ROCK1: variants seen among roughly 807,000 people sequenced by gnomAD.
ROCK1 encodes Rho associated coiled-coil containing protein kinase 1.
A neutral mutation model predicts 196.8 loss-of-function variants in ROCK1; 36 were observed. The ratio of observed to expected loss-of-function variants is 0.18; its 90% confidence interval spans 0.14 to 0.24. The LOEUF (loss-of-function observed/expected upper bound fraction) is 0.24. Among genes scored for constraint, ROCK1 ranks in the 10% least tolerant of loss-of-function variants. The probability of loss-of-function intolerance (pLI) is 1.00; values close to 1 mark genes in which losing one functional copy is unlikely to be tolerated. For missense variants in ROCK1, 920 were observed against 1,562.0 expected (o/e 0.59, Z 6.93); for synonymous variants, 443 against 515.9 (o/e 0.86, Z 1.91).
intron 22 of ROCK1, among the ~76,000 whole-genome samples, chr18:20,972,429 G>C (rs1340522490): frequency 2.6e-5 from 4 of 152,076 alleles, no homozygotes; most frequent in East Asian, 3.9e-4. Flanking sequence ...ACGTAAGTCT[G>C]GAATTCAAGG....
intron 21 of ROCK1, among the ~76,000 whole-genome samples, chr18:20,982,492 T>G (rs1477700105): frequency 6.6e-6 from 1 of 152,180 alleles, no homozygotes; most frequent in African/African-American, 2.4e-5. Context: ...CCTCAAGTGA[T>G]CCACTCGCCT....
At chr18:20,956,469 G>C (rs1389203553) in intron 29 of ROCK1, among the ~76,000 whole-genome samples, 1 of 152,210 alleles carries the variant, frequency 6.6e-6, no homozygotes, top group Admixed American at 6.5e-5. Flanking sequence ...CATGGATACA[G>C]AGGGCTGACT....
intron 1 of ROCK1, among the ~76,000 whole-genome samples, chr18:21,072,828 T>C (rs1461856373): frequency 1.3e-5 from 2 of 152,016 alleles, no homozygotes; most frequent in Non-Finnish European, 2.9e-5. Flanking sequence ...CTCAGCACTT[T>C]GGGAGGCCGA....
At chr18:21,103,488 T>G (rs1038992869) in intron 1 of ROCK1, among the ~76,000 whole-genome samples, 9 of 152,002 alleles carry the variant, frequency 5.9e-5, no homozygotes, top group Non-Finnish European at 1.2e-4. Context: ...AGACAGAGTC[T>G]CACTTTGACA....
intron 8 of ROCK1, among the ~76,000 whole-genome samples, chr18:21,041,503 C>A (rs1031050515): frequency 6.6e-6 from 1 of 151,804 alleles, no homozygotes; most frequent in African/African-American, 2.4e-5. Context: ...ATATAATATG[C>A]CATTTTTCTT....
At chr18:21,098,258 G>T (rs1336040393) in intron 1 of ROCK1, among the ~76,000 whole-genome samples, 1 of 152,104 alleles carries the variant, frequency 6.6e-6, no homozygotes, top group East Asian at 1.9e-4. Flanking sequence ...TGGAACAGAA[G>T]GTTAGAAATA....
intron 2 of ROCK1, among the ~76,000 whole-genome samples, chr18:21,059,214 C>T (rs2036269006): frequency 6.6e-6 from 1 of 152,188 alleles, no homozygotes. Context: ...CTTCATCTCT[C>T]TGTGCCTTTC....
At chr18:20,976,964 A>C (rs2035486327) in intron 22 of ROCK1, among the ~76,000 whole-genome samples, 1 of 152,164 alleles carries the variant, frequency 6.6e-6, no homozygotes, top group Admixed American at 6.6e-5. Context: ...CTATGCCTCC[A>C]AATCTACAAA....
chr18:21,106,186 A>G (rs563941843), intron 1 of ROCK1, among the ~76,000 whole-genome samples: 52 of 152,358 alleles, frequency 3.4e-4, no homozygotes, highest in African/African-American at 1.2e-3. Context: ...TGGAAAGGTC[A>G]TGTTCTTAAC....
chr18:20,998,814 G>A (rs796519003), intron 16 of ROCK1, among the ~76,000 whole-genome samples: 80 of 151,930 alleles, frequency 5.3e-4, no homozygotes, highest in African/African-American at 1.9e-3. Context: ...ATGTTGGCTA[G>A]GCCAGGCTGG....
intron 1 of ROCK1, among the ~76,000 whole-genome samples, chr18:21,092,385 C>T (rs1294371073): frequency 6.6e-6 from 1 of 151,916 alleles, no homozygotes; most frequent in African/African-American, 2.4e-5. Flanking sequence ...AGTTCAAGAC[C>T]AGGCTGGGCA....
At chr18:21,005,576 C>T (rs926686958) in intron 16 of ROCK1, among the ~76,000 whole-genome samples, 5 of 152,018 alleles carry the variant, frequency 3.3e-5, no homozygotes, top group African/African-American at 1.2e-4. Context: ...GGGCATTATT[C>T]TAAAAGAGAA....
chr18:21,076,702 C>T (rs141679790), intron 1 of ROCK1, among the ~76,000 whole-genome samples: 2 of 101,616 alleles, frequency 2.0e-5, no homozygotes, highest in South Asian at 3.7e-4. Context: ...CACACACACA[C>T]ACAGAGCCAT....
chr18:21,079,185 C>A (rs977881333), intron 1 of ROCK1, among the ~76,000 whole-genome samples: 3 of 152,116 alleles, frequency 2.0e-5, no homozygotes, highest in African/African-American at 4.8e-5. Flanking sequence ...TTATTGGGAT[C>A]CCAGTTAGGG....
At chr18:20,994,988 C>T (rs569930530) in intron 16 of ROCK1, among the ~76,000 whole-genome samples, 1 of 152,188 alleles carries the variant, frequency 6.6e-6, no homozygotes, top group African/African-American at 2.4e-5. Context: ...ATAGGCCACA[C>T]TAAAAACCAC....
At chr18:21,018,578 A>G (rs1380987608) in intron 12 of ROCK1, among the ~76,000 whole-genome samples, 3 of 151,954 alleles carry the variant, frequency 2.0e-5, no homozygotes, top group Non-Finnish European at 4.4e-5. Context: ...CAACATTTAT[A>G]TAACAGTATC....
intron 1 of ROCK1, among the ~76,000 whole-genome samples, chr18:21,073,900 C>G (rs564706280): frequency 6.6e-6 from 1 of 152,244 alleles, no homozygotes; most frequent in South Asian, 2.1e-4. Flanking sequence ...CAACTGCAAT[C>G]CCAGCACTTT....
chr18:21,066,753 C>T (rs551265632), intron 2 of ROCK1, among the ~76,000 whole-genome samples: 30 of 152,330 alleles, frequency 2.0e-4, no homozygotes, highest in South Asian at 1.0e-3. Context: ...GGATATTGCA[C>T]ATAGCAGTAA....
At chr18:21,002,788 C>T (rs1399715690) in intron 16 of ROCK1, among the ~76,000 whole-genome samples, 1 of 152,198 alleles carries the variant, frequency 6.6e-6, no homozygotes, top group Non-Finnish European at 1.5e-5. Context: ...GTTGCCCAGG[C>T]TGAAGTACAG....
Sources: allele counts gnomAD v4.1 joint callset (sites outside exome capture counted in the v4.1 genomes callset), GRCh38; gene constraint gnomAD v4.1.1; transcripts MANE v1.5; gene names NCBI Gene and HGNC (gene_info 2026-07-23, HGNC 2026-07-21).